The following CFTR variants were observed in gnomAD, a reference collection of about 807,000 sequenced individuals.
CFTR encodes CF transmembrane conductance regulator.
Under a neutral mutation model 171.6 loss-of-function variants are expected in CFTR, and 181 were observed. The observed-to-expected ratio is 1.05, with a 90% CI of 0.93 to 1.19. The LOEUF (loss-of-function observed/expected upper bound fraction) is 1.19, where lower values mean the gene tolerates loss of function less well. Ranked by LOEUF, CFTR falls within the 50% of genes most tolerant of loss-of-function variation. CFTR has a pLI of 0.00. For synonymous variants in CFTR, 583 were observed against 608.0 expected, an observed-to-expected ratio of 0.96 and a Z score of 0.60; for missense variants, 1,968 against 1,734.7, an observed-to-expected ratio of 1.13 and a Z score of -2.39.
intron 11 of CFTR, among the ~76,000 whole-genome samples, chr7:117,581,452 A>G (rs934340894): frequency 7.9e-5 from 12 of 152,196 alleles, no homozygotes; most frequent in African/African-American, 2.2e-4. Flanking sequence ...TCAAGGATAA[A>G]TGGAAATGAA....
chr7:117,612,025 A>ATATATATATATATATATATATATATATG (rs1562915050), intron 20 of CFTR, among the ~76,000 whole-genome samples: 13 of 42,616 alleles, frequency 3.1e-4, no homozygotes, highest in Admixed American at 4.7e-4. Flanking sequence ...ATATATATGT[A>ATATATATATATATATATATATATATATG]TATATATATA....
chr7:117,622,907 A>G (rs1412867161), intron 21 of CFTR, among the ~76,000 whole-genome samples: 1 of 152,166 alleles, frequency 6.6e-6, no homozygotes, highest in Non-Finnish European at 1.5e-5. Context: ...CTGTGAAGCT[A>G]TCTTTTTGTC....
At position 117,522,347 on chromosome 7, in the gene CFTR, T is replaced by C. The variant is rs1233791360; in HGVS notation, c.274-8552T>C. Among the ~76,000 whole-genome samples the C allele has an allele frequency of 2.6e-5, 4 of 152,318 alleles. No homozygotes were observed. In the South Asian group the frequency reaches 6.2e-4, roughly 24 times the overall value. On this transcript the variant is annotated intron_variant, in intron 3 of 26. Coordinates refer to ENST00000003084, the MANE Select transcript of CFTR (RefSeq NM_000492.4). Reference sequence around the variant, plus strand: ...GGAGGGGACATCACAATTAGCTTTCTCCACCTCTTAGTTTATCAGTGAGGA... The same window carrying C: ...GGAGGGGACATCACAATTAGCTTTCCCCACCTCTTAGTTTATCAGTGAGGA...
chr7:117,591,577 A>C (rs958521558), intron 13 of CFTR, among the ~76,000 whole-genome samples: 4 of 152,088 alleles, frequency 2.6e-5, no homozygotes, highest in African/African-American at 9.7e-5. Context: ...TGAAGTACAA[A>C]TCTCTAGGGA....
At chr7:117,626,057 G>A (rs774034355) in intron 21 of CFTR, among the ~76,000 whole-genome samples, 1 of 152,038 alleles carries the variant, frequency 6.6e-6, no homozygotes, top group African/African-American at 2.4e-5. Flanking sequence ...TGACTTCAAA[G>A]GATTATTTTC....
At chr7:117,619,136 G>A (rs1792535672) in intron 21 of CFTR, among the ~76,000 whole-genome samples, 1 of 152,118 alleles carries the variant, frequency 6.6e-6, no homozygotes, top group African/African-American at 2.4e-5. Flanking sequence ...TATTGCTAAA[G>A]CAATTATCTT....
intron 23 of CFTR, among the ~76,000 whole-genome samples, chr7:117,648,070 T>C (rs1793025144): frequency 9.7e-6 from 1 of 102,914 alleles, no homozygotes. Context: ...TGTATATATG[T>C]ATATATATAT....
At chr7:117,599,447 G>A (rs760579835) in intron 15 of CFTR, among the ~76,000 whole-genome samples, 12 of 152,022 alleles carry the variant, frequency 7.9e-5, no homozygotes, top group Non-Finnish European at 1.6e-4. Context: ...GAAAACAGTG[G>A]TCCTTTAGGG....
intron 22 of CFTR, among the ~76,000 whole-genome samples, chr7:117,634,013 A>G (rs1441423094): frequency 6.6e-6 from 1 of 152,086 alleles, no homozygotes; most frequent in Non-Finnish European, 1.5e-5. Flanking sequence ...TCATAGCATG[A>G]GTTAGGGAGT....
At chr7:117,596,935 G>A (rs1792139290) in intron 15 of CFTR, among the ~76,000 whole-genome samples, 2 of 152,010 alleles carry the variant, frequency 1.3e-5, no homozygotes, top group Admixed American at 1.3e-4. Context: ...GTCTAGCTCA[G>A]GGATTGTAAA....
At chr7:117,624,731 A>G (rs1584828941) in intron 21 of CFTR, among the ~76,000 whole-genome samples, 1 of 152,246 alleles carries the variant, frequency 6.6e-6, no homozygotes, top group East Asian at 1.9e-4. Flanking sequence ...CTTCTAATCC[A>G]TCATAATTTT....
intron 24 of CFTR, among the ~76,000 whole-genome samples, chr7:117,659,055 T>G (rs1394552840): frequency 1.1e-4 from 17 of 152,194 alleles, no homozygotes; most frequent in Non-Finnish European, 7.3e-5. Flanking sequence ...TTCCCATGAT[T>G]CAGTTATACT....
chr7:117,533,301 T>G (rs1798892793), intron 4 of CFTR, among the ~76,000 whole-genome samples: 1 of 152,140 alleles, frequency 6.6e-6, no homozygotes. Context: ...ATACACTATT[T>G]ATTATTCTAC....
intron 3 of CFTR, among the ~76,000 whole-genome samples, chr7:117,512,204 C>T (rs1305814634): frequency 6.6e-6 from 1 of 152,152 alleles, no homozygotes. Flanking sequence ...CATGAAGGAG[C>T]TAATCTTTCT....
At chr7:117,492,993 A>T (rs996361011) in intron 1 of CFTR, among the ~76,000 whole-genome samples, 6 of 152,056 alleles carry the variant, frequency 3.9e-5, no homozygotes, top group Non-Finnish European at 7.4e-5. Flanking sequence ...TAATCTTTTT[A>T]AAAATTAAGA....
At chr7:117,561,652 CTTT>C (rs1799467034) in intron 11 of CFTR, among the ~76,000 whole-genome samples, 2 of 152,066 alleles carry the variant, frequency 1.3e-5, no homozygotes, top group African/African-American at 4.8e-5. Context: ...TTAAGACTTG[CTTT>C]ATTTTATACA....
At chr7:117,545,246 C>A (rs1439254247) in intron 9 of CFTR, among the ~76,000 whole-genome samples, 1 of 152,172 alleles carries the variant, frequency 6.6e-6, no homozygotes, top group African/African-American at 2.4e-5. Context: ...ATGGGCAAGA[C>A]CCTCCCCCAT....
chr7:117,546,436 G>A (rs1178885925), intron 9 of CFTR, among the ~76,000 whole-genome samples: 1 of 152,036 alleles, frequency 6.6e-6, no homozygotes, highest in Non-Finnish European at 1.5e-5. Context: ...CAGCTGACCT[G>A]TATATATGAT....
At chr7:117,505,847 A>C (rs748115502) in intron 2 of CFTR, among the ~76,000 whole-genome samples, 46 of 152,196 alleles carry the variant, frequency 3.0e-4, no homozygotes, top group Non-Finnish European at 8.8e-5. Flanking sequence ...AGGCAAAGTA[A>C]GATATTAAAC....
Sources: allele counts gnomAD v4.1 joint callset (sites outside exome capture counted in the v4.1 genomes callset), GRCh38; gene constraint gnomAD v4.1.1; transcripts MANE v1.5; gene names NCBI Gene and HGNC (gene_info 2026-07-23, HGNC 2026-07-21).